The following CUX1 variants were observed in gnomAD, a reference collection of about 807,000 sequenced individuals.
CUX1 encodes the protein cut like homeobox 1.
In CUX1, 31 loss-of-function variants were observed where a neutral mutation model predicts 158.8. That is an observed-to-expected ratio of 0.20 (90% CI 0.15 to 0.26). The LOEUF is 0.26. Ranked by LOEUF, CUX1 falls within the 10% of genes least tolerant of loss-of-function variation. CUX1 has a pLI of 1.00. For synonymous variants in CUX1, 879 were observed against 862.1 expected (o/e 1.02, Z -0.34); for missense variants, 1,589 against 2,014.6 (o/e 0.79, Z 4.04).
exon 23 of CUX1, chr7:102,283,334 T>C: frequency 1.8e-6 from 1 of 542,710 alleles, no homozygotes; most frequent in South Asian, 2.1e-5. Context: ...AGAGACCCTC[T>C]CAGCCCCCAC....
chr7:102,233,063 G>A (rs1052828861), intron 21 of CUX1, among the ~76,000 whole-genome samples: 3 of 152,136 alleles, frequency 2.0e-5, no homozygotes, highest in Non-Finnish European at 2.9e-5. Context: ...GTACAAGAGA[G>A]GTCTCCTGTT....
chr7:101,840,234 T>C (rs970438731), intron 1 of CUX1, among the ~76,000 whole-genome samples: 4 of 152,168 alleles, frequency 2.6e-5, no homozygotes, highest in Non-Finnish European at 4.4e-5. Context: ...ATAATGCAAG[T>C]TTTTATTTGT....
intron 2 of CUX1, among the ~76,000 whole-genome samples, chr7:102,004,607 A>G (rs769783175): frequency 2.0e-5 from 3 of 152,196 alleles, no homozygotes; most frequent in Non-Finnish European, 4.4e-5. Context: ...ATTGAGCTAG[A>G]GTCATTCCCA....
chr7:102,056,907 G>T (rs1194699227), intron 3 of CUX1, among the ~76,000 whole-genome samples: 28 of 142,926 alleles, frequency 2.0e-4, no homozygotes, highest in Middle Eastern at 3.6e-3. Flanking sequence ...TTGTTTTCTG[G>T]TTTTTTTTTT....
At chr7:102,097,914 C>T (rs1554484888) in intron 5 of CUX1, among the ~76,000 whole-genome samples, 2 of 152,252 alleles carry the variant, frequency 1.3e-5, no homozygotes, top group African/African-American at 4.8e-5. Context: ...GCTTCAGACA[C>T]ATCTTAAAGG....
intron 1 of CUX1, among the ~76,000 whole-genome samples, chr7:101,819,322 T>G (rs1014531250): frequency 6.6e-6 from 1 of 152,236 alleles, no homozygotes; most frequent in African/African-American, 2.4e-5. Context: ...ACAAAGCTCA[T>G]GGCACTCTGT....
intron 1 of CUX1, among the ~76,000 whole-genome samples, chr7:101,893,656 AAGAT>A (rs1424162839): frequency 2.0e-5 from 3 of 152,204 alleles, no homozygotes; most frequent in African/African-American, 7.2e-5. Flanking sequence ...GAAAGAAGGA[AAGAT>A]CCTTGCCTAG....
At position 101,898,704 on chromosome 7, in the gene CUX1, C is replaced by T. The variant is rs565648069; in HGVS notation, c.31-17411C>T. ...CTCCCGGGTTCAAGTGATTCTCCTG[C>T]GTCAGCCTCCTGAGTAGCTGGGATT... is the stretch of plus-strand genomic sequence containing the variant. On this transcript the variant is annotated intron_variant, in intron 1 of 23. Coordinates refer to ENST00000292535, the MANE Select transcript of CUX1 (RefSeq NM_181552.4). 5.9e-5 allele frequency among the ~76,000 whole-genome samples: 9 copies of T among 151,414 alleles called. 1 individual carries two copies. In the South Asian group the frequency reaches 8.3e-4, roughly 14 times the overall value.
intron 22 of CUX1, among the ~76,000 whole-genome samples, chr7:102,237,110 G>T (rs1188369372): frequency 1.3e-5 from 2 of 152,192 alleles, no homozygotes; most frequent in Non-Finnish European, 2.9e-5. Context: ...CCTTTCTCTG[G>T]ATCCAGCAGC....
upstream of CUX1, chr7:101,817,423 T>C (rs1791975384): frequency 1.0e-6 from 1 of 984,218 alleles, no homozygotes; most frequent in African/African-American, 1.8e-5. This position sits in a 1 kb window ranked among gnomAD's most constrained non-coding sequence, Gnocchi z 4.1. Context: ...GTTGGGACCG[T>C]GGCATGCCGG....
chr7:102,128,572 G>A (rs1484741794), intron 8 of CUX1, among the ~76,000 whole-genome samples: 1 of 151,394 alleles, frequency 6.6e-6, no homozygotes, highest in African/African-American at 2.4e-5. Context: ...CATGAGTCAC[G>A]GTGGGAAGAA....
At chr7:101,926,010 G>T (rs1805548105) in intron 2 of CUX1, among the ~76,000 whole-genome samples, 1 of 152,170 alleles carries the variant, frequency 6.6e-6, no homozygotes, top group African/African-American at 2.4e-5. Context: ...TCATGGGGGT[G>T]TCAGAAACCC....
At chr7:102,063,310 GTCA>G (rs1348015061) in intron 3 of CUX1, among the ~76,000 whole-genome samples, 1 of 151,316 alleles carries the variant, frequency 6.6e-6, no homozygotes, top group African/African-American at 2.4e-5. Context: ...CCAAGTGGCT[GTCA>G]TCATCTCACA....
chr7:102,133,248 G>A (rs782706877), intron 8 of CUX1, among the ~76,000 whole-genome samples: 8 of 151,894 alleles, frequency 5.3e-5, no homozygotes, highest in Non-Finnish European at 1.2e-4. Flanking sequence ...AAACTCCACC[G>A]TCCTATAGAA....
At chr7:102,282,768 C>T (rs781838453) in exon 22 of CUX1, 60 of 1,613,134 alleles carry the variant, frequency 3.7e-5, no homozygotes, top group East Asian at 1.3e-4. Context: ...CCACCTTCTG[C>T]GCCAAGAAGT....
chr7:102,244,680 A>G (rs1197792869), intron 23 of CUX1, among the ~76,000 whole-genome samples: 1 of 151,772 alleles, frequency 6.6e-6, no homozygotes, highest in Non-Finnish European at 1.5e-5. Context: ...ACAGAGCAAG[A>G]CCCTGTCCCC....
intron 14 of CUX1, among the ~76,000 whole-genome samples, chr7:102,270,034 C>T (rs368036133): frequency 1.3e-5 from 2 of 152,218 alleles, no homozygotes; most frequent in South Asian, 4.1e-4. Context: ...TTCTGTACAG[C>T]GATGGGGTCC....
chr7:101,971,187 G>A (rs1426548099), intron 2 of CUX1, among the ~76,000 whole-genome samples: 7 of 152,184 alleles, frequency 4.6e-5, no homozygotes, highest in South Asian at 2.1e-4. Flanking sequence ...AGTCTGGGTC[G>A]GTGTGACCCT....
chr7:101,860,040 C>T (rs923218953), intron 1 of CUX1, among the ~76,000 whole-genome samples: 2 of 141,380 alleles, frequency 1.4e-5, no homozygotes, highest in African/African-American at 2.6e-5. Context: ...CTCTCTGTCT[C>T]TGCCTGCTTT....
Sources: allele counts gnomAD v4.1 joint callset (sites outside exome capture counted in the v4.1 genomes callset), GRCh38; gene constraint gnomAD v4.1.1; non-coding constraint Gnocchi (gnomAD v3.1); transcripts MANE v1.5; gene names NCBI Gene and HGNC (gene_info 2026-07-23, HGNC 2026-07-21).